Variants in CES5A observed in about 807,000 individuals in gnomAD.
The protein encoded by CES5A is carboxylesterase 5.
Under a neutral mutation model 62.9 loss-of-function variants are expected in CES5A, and 67 were observed. The ratio of observed to expected loss-of-function variants is 1.07; its 90% confidence interval spans 0.88 to 1.31. The LOEUF (loss-of-function observed/expected upper bound fraction) is 1.31. CES5A is among the 50% of genes most tolerant of loss of function. The pLI is 0.00. For synonymous variants in CES5A, 296 were observed against 280.8 expected (o/e 1.05, Z -0.54); for missense variants, 748 against 708.5 (o/e 1.06, Z -0.63).
At chr16:55,925,579 A>G (rs953583241), upstream of CES5A, 21 of 152,192 alleles carry the variant, frequency 1.4e-4, no homozygotes, top group African/African-American at 4.8e-4. Context: ...TTATTGCAGC[A>G]CTACTCACAA....
chr16:55,944,078 G>A, intron 2 of CES5A: 1 of 702,152 alleles, frequency 1.4e-6, no homozygotes, highest in Non-Finnish European at 2.6e-6. Flanking sequence ...AAGACCTCCA[G>A]GATAAATCAT....
intron 1 of CES5A, among the ~76,000 whole-genome samples, chr16:55,895,974 G>A (rs1202205322): frequency 1.3e-5 from 2 of 152,140 alleles, no homozygotes; most frequent in Non-Finnish European, 2.9e-5. Flanking sequence ...AGAACCTGAT[G>A]TTCAAGACGA....
At chr16:55,898,653 GA>G (rs1281453044) in intron 1 of CES5A, among the ~76,000 whole-genome samples, 2 of 152,158 alleles carry the variant, frequency 1.3e-5, no homozygotes, top group African/African-American at 4.8e-5. Flanking sequence ...TCCAATTACG[GA>G]AAAAAGGTTT....
rs199716261 is a variant in CES5A, at chr16:55,871,626, G to C, written c.416C>G (p.Pro139Arg). The C allele has an allele frequency of 2.5e-4, 399 of 1,613,924 alleles. No individual in the cohort carries two copies. The highest frequency in any genetic ancestry group is 3.1e-4 in the Non-Finnish European group (366 of 1,180,000). ...PAHADTGSKL[P>R]VLVWFPGGAF... ...GAAGCACACAGCAGGCAGCCTTACG[G>C]GGAGCTTGGAGCCTGTATCGGCGTG... Residue 139 changes from proline (P) to arginine (R), a missense_variant and splice_region_variant, in exon 3 of 13, where the codon CCC becomes CGC. Transcript: ENST00000290567.
At chr16:55,872,604 T>C (rs1435731095) in intron 2 of CES5A, among the ~76,000 whole-genome samples, 4 of 152,252 alleles carry the variant, frequency 2.6e-5, no homozygotes, top group African/African-American at 9.6e-5. Flanking sequence ...TACCATACTG[T>C]GTACGCAATC....
chr16:55,950,714 A>C (rs2034544937), intron 1 of CES5A, among the ~76,000 whole-genome samples: 1 of 152,130 alleles, frequency 6.6e-6, no homozygotes, highest in Admixed American at 6.5e-5. Context: ...AAAGAAAAAA[A>C]AACCCAAAAA....
intron 8 of CES5A, among the ~76,000 whole-genome samples, chr16:55,857,158 G>A (rs771560416): frequency 1.6e-4 from 24 of 152,274 alleles, no homozygotes; most frequent in South Asian, 6.2e-4. Flanking sequence ...GAAAACACAG[G>A]CTCCCTGAGC....
chr16:55,936,518 T>C (rs957444527), intron 2 of CES5A, among the ~76,000 whole-genome samples: 1 of 152,196 alleles, frequency 6.6e-6, no homozygotes, highest in Non-Finnish European at 1.5e-5. Context: ...GACCCAAGCA[T>C]ACACCGGGTT....
rs28583225 is a variant in CES5A at position 55,872,154 on chromosome 16, G to A, written c.279-391C>T. On this transcript the variant is annotated intron_variant, in intron 2 of 12. Transcript: ENST00000290567. ...CGAATAACAAGGGCTTTGCCCCTGC[G>A]GCTCCCTATTCTGTCCCCAGATGCG... Among the ~76,000 whole-genome samples the A allele has an allele frequency of 5.8e-3, 884 of 152,258 alleles. 15 individuals carry two copies. Among genetic ancestry groups the A allele is most frequent in the African/African-American group, 0.02 (834 of 41,558 alleles).
At chr16:55,922,013 G>A (rs896394411) in intron 1 of CES5A, among the ~76,000 whole-genome samples, 4 of 151,564 alleles carry the variant, frequency 2.6e-5, no homozygotes, top group Non-Finnish European at 5.9e-5. Flanking sequence ...AAGCCTCATG[G>A]TAACCACAAT....
intron 1 of CES5A, among the ~76,000 whole-genome samples, chr16:55,885,008 T>C (rs1457700988): frequency 1.3e-5 from 2 of 152,154 alleles, no homozygotes; most frequent in East Asian, 1.9e-4. Context: ...AAGGGCCTTT[T>C]CTTAATCTTT....
rs2033157757 is a variant in CES5A at position 55,852,795 on chromosome 16, G to A, written c.1273+86C>T. The A allele has an allele frequency of 6.9e-6, 10 of 1,454,656 alleles. No individual in the cohort carries two copies. The South Asian group carries it at 1.2e-4, about 17-fold the overall frequency. 90.1% of individuals were successfully genotyped at this position (1,454,656 alleles called of 1,614,324 possible). Reference sequence around the variant, plus strand: ...TCCATGATAGAACAGAGGCAGAGAAGGCAGCCGCTCAGTAGACAATATGGA... The same window carrying A: ...TCCATGATAGAACAGAGGCAGAGAAAGCAGCCGCTCAGTAGACAATATGGA... On this transcript the variant is annotated intron_variant, in intron 10 of 12. Coordinates refer to ENST00000290567, the MANE Select transcript of CES5A (RefSeq NM_001143685.2).
At chr16:55,944,455 T>C (rs1439451607) in intron 2 of CES5A, 13 of 192,924 alleles carry the variant, frequency 6.7e-5, no homozygotes, top group Admixed American at 4.4e-4. Flanking sequence ...CCCTGTGCAG[T>C]GCCACTCAGA....
chr16:55,851,863 A>G (rs1280215120), intron 10 of CES5A, among the ~76,000 whole-genome samples: 1 of 152,236 alleles, frequency 6.6e-6, no homozygotes, highest in Non-Finnish European at 1.5e-5. Flanking sequence ...GCCTTAAAAA[A>G]GGAGGAAATT....
intron 8 of CES5A, among the ~76,000 whole-genome samples, chr16:55,859,088 A>G (rs762705441): frequency 2.6e-5 from 4 of 152,248 alleles, no homozygotes; most frequent in Non-Finnish European, 1.5e-5. Flanking sequence ...TACTTGTTGA[A>G]AAAATAAAAT....
chr16:55,891,777 C>T, intron 1 of CES5A, among the ~76,000 whole-genome samples: 1 of 152,200 alleles, frequency 6.6e-6, no homozygotes, highest in East Asian at 1.9e-4. Flanking sequence ...CCCTTTCACA[C>T]CCTACAAACC....
At chr16:55,956,020 C>T in exon 1 of CES5A, 2 of 925,288 alleles carry the variant, frequency 2.2e-6, no homozygotes, top group Non-Finnish European at 3.2e-6. Flanking sequence ...CTTTCCTCTA[C>T]CGTTGCCAGC....
chr16:55,869,969 GAA>G (rs1302802024), intron 3 of CES5A, among the ~76,000 whole-genome samples: 5 of 152,232 alleles, frequency 3.3e-5, no homozygotes, highest in African/African-American at 1.2e-4. Context: ...TGTGACCTTG[GAA>G]AGATTACTTA....
At chr16:55,933,928 A>G (rs78169214) in intron 2 of CES5A, among the ~76,000 whole-genome samples, 1,755 of 152,054 alleles carry the variant, frequency 0.012, 59 homozygotes, top group East Asian at 0.1. Context: ...TCCTCCTATC[A>G]TCTCCTCTTA....
Sources: gnomAD v4.1 joint callset for allele counts (sites outside exome capture counted in the v4.1 genomes callset) on GRCh38, gnomAD v4.1.1 for gene constraint, MANE v1.5 for transcripts, NCBI Gene and HGNC (gene_info 2026-07-23, HGNC 2026-07-21) for gene names.